Variants in KDM6A observed in about 807,000 individuals in gnomAD.
The protein encoded by KDM6A is lysine demethylase 6A, also known as lysine-specific demethylase 6A.
In KDM6A, 11 loss-of-function variants were observed where a neutral mutation model predicts 117.6. That is an observed-to-expected ratio of 0.09 (90% confidence interval 0.06 to 0.15). KDM6A has a LOEUF of 0.15. KDM6A is among the 10% of genes least tolerant of loss of function. The pLI, the probability that KDM6A is intolerant of heterozygous loss-of-function variation, is 1.00. For missense variants in KDM6A, 799 were observed against 1,077.3 expected, an observed-to-expected ratio of 0.74 and a Z score of 3.62; for synonymous variants, 384 against 396.1, an observed-to-expected ratio of 0.97 and a Z score of 0.36.
intron 12 of KDM6A, among the ~76,000 whole-genome samples, 172 bp from the exon 13 acceptor site, chrX:45,059,850 C>T (rs1307298181): frequency 8.9e-6 from 1 of 111,913 alleles, no homozygotes; most frequent in Non-Finnish European, 1.9e-5. Context: ...TTGATTCTCA[C>T]AAAGGTTTAT....
At position 45,055,881 on chromosome X, in the gene KDM6A, T is replaced by A. The variant is rs191792946; in HGVS notation, c.875+1926T>A. Among the ~76,000 whole-genome samples, 1,036 of 109,349 alleles carry A rather than the reference T, an allele frequency of 9.5e-3. 5 individuals are homozygous for A. Among genetic ancestry groups the A allele is most frequent in the Middle Eastern group, 0.015 (3 of 206 alleles). The allele number at this position is 109,349 out of a possible 115,157, so 95.0% of individuals were successfully genotyped here. On this transcript the variant is annotated intron_variant, in intron 10 of 29. Coordinates refer to ENST00000611820, the MANE Select transcript of KDM6A (RefSeq NM_001291415.2). ...GTGTAGATGTCTTTTTAGTATAGGTTTTTAAATTTAAATTCTAGTTACGTA... is the reference window on the plus strand; with the variant it reads ...GTGTAGATGTCTTTTTAGTATAGGTATTTAAATTTAAATTCTAGTTACGTA...
At chrX:45,044,166 C>T (rs775939397) in intron 8 of KDM6A, among the ~76,000 whole-genome samples, 4 of 112,200 alleles carry the variant, frequency 3.6e-5, no homozygotes, top group African/African-American at 1.3e-4. Flanking sequence ...TTAAGTGACA[C>T]ATGACTGTAT....
intron 8 of KDM6A, among the ~76,000 whole-genome samples, chrX:45,043,959 GTTTT>G (rs970952486): frequency 8.9e-6 from 1 of 111,825 alleles, no homozygotes; most frequent in African/African-American, 3.3e-5. Flanking sequence ...TTCGGTGTGT[GTTTT>G]TTGTTTTAAC....
intron 4 of KDM6A, among the ~76,000 whole-genome samples, chrX:44,984,838 G>A (rs945832528): frequency 1.8e-5 from 2 of 111,657 alleles, no homozygotes; most frequent in African/African-American, 3.3e-5. Context: ...TTTGAAGCCA[G>A]ATAGTGTGAT....
At chrX:44,918,067 T>C (rs756302836) in intron 2 of KDM6A, among the ~76,000 whole-genome samples, 61 of 111,710 alleles carry the variant, frequency 5.5e-4, no homozygotes, top group African/African-American at 2.0e-3. Flanking sequence ...GGAAAGGTAA[T>C]GGTAAAAAGA....
At chrX:45,078,642 T>C in intron 20 of KDM6A, 137 bp downstream of exon 20, 1 of 490,119 alleles carries the variant, frequency 2.0e-6, no homozygotes, top group East Asian at 3.9e-5. Flanking sequence ...TTTACTTTTT[T>C]TTAGTACTAA....
At chrX:45,032,398 G>T (rs1389404158) in intron 6 of KDM6A, among the ~76,000 whole-genome samples, 1 of 111,494 alleles carries the variant, frequency 9.0e-6, no homozygotes. Flanking sequence ...TCCCTACCCC[G>T]GTTCTTCATC....
At chrX:45,030,621 T>C (rs766769635) in intron 6 of KDM6A, among the ~76,000 whole-genome samples, 2 of 110,551 alleles carry the variant, frequency 1.8e-5, no homozygotes, top group South Asian at 7.8e-4. Flanking sequence ...CATGGCATCC[T>C]AGGGCATTTC....
intron 2 of KDM6A, among the ~76,000 whole-genome samples, chrX:44,946,523 A>T (rs944775952): frequency 1.0e-4 from 11 of 109,064 alleles, no homozygotes; most frequent in Admixed American, 5.9e-4. Flanking sequence ...CTTTATACTA[A>T]TTTTTTTTTT....
intron 10 of KDM6A, among the ~76,000 whole-genome samples, chrX:45,054,245 T>G (rs2043974457): frequency 8.9e-6 from 1 of 112,029 alleles, no homozygotes; most frequent in Admixed American, 9.5e-5. Context: ...TAGTAACTTT[T>G]AATGAAGTAT....
intron 6 of KDM6A, among the ~76,000 whole-genome samples, chrX:45,026,665 A>T (rs2042376997): frequency 1.1e-5 from 1 of 88,517 alleles, no homozygotes; most frequent in Non-Finnish European, 2.1e-5. Context: ...CGTCTCTACT[A>T]AAAAAAAAAA....
At chrX:45,035,429 G>C (rs985672579) in intron 7 of KDM6A, among the ~76,000 whole-genome samples, 19 of 111,411 alleles carry the variant, frequency 1.7e-4, no homozygotes, top group Admixed American at 1.9e-4. Context: ...ATATCATTTA[G>C]AAAGCTTGAG....
In KDM6A at chrX:45,042,225, A is replaced by C. The variant is rs1295187908; in HGVS notation, c.654+4536A>C. Among the ~76,000 whole-genome samples the C allele has an allele frequency of 1.6e-4, 13 of 82,474 alleles. 1 individual carries two copies. The highest frequency in any genetic ancestry group is 2.8e-4 in the Non-Finnish European group (13 of 45,736). The allele number at this position is 82,474 out of a possible 115,157, so 71.6% of individuals were successfully genotyped here. A position where few individuals can be genotyped will look rare whatever the true frequency, so the allele number is the denominator to read the frequency against. On this transcript the variant is annotated intron_variant, in intron 8 of 29. Transcript: ENST00000611820. ...CAGTACCGTCCAGCTTCGGCTCGGCATCAGAGGGAGACCGTGGAAGGAGAC... is the reference window on the plus strand; with the variant it reads ...CAGTACCGTCCAGCTTCGGCTCGGCCTCAGAGGGAGACCGTGGAAGGAGAC...
chrX:44,928,940 A>T (rs956459494), intron 2 of KDM6A, among the ~76,000 whole-genome samples: 1 of 111,341 alleles, frequency 9.0e-6, no homozygotes, highest in Non-Finnish European at 1.9e-5. Context: ...ATTTTACTAT[A>T]TATTTTTTTG....
chrX:44,957,758 T>A (rs1423370887), intron 2 of KDM6A, among the ~76,000 whole-genome samples: 1 of 111,810 alleles, frequency 8.9e-6, no homozygotes, highest in Non-Finnish European at 1.9e-5. Context: ...GTATTGCTTT[T>A]ATCCTCCTTG....
chrX:45,042,024 C>T (rs867701281), intron 8 of KDM6A, among the ~76,000 whole-genome samples: 1 of 110,629 alleles, frequency 9.0e-6, no homozygotes, highest in Non-Finnish European at 1.9e-5. Flanking sequence ...CCGAGGCTGG[C>T]GGATCACTCG....
intron 19 of KDM6A, among the ~76,000 whole-genome samples, 158 bp from the exon 20 acceptor site, chrX:45,078,242 A>C (rs1482156449): frequency 1.8e-5 from 2 of 112,450 alleles, no homozygotes; most frequent in Non-Finnish European, 3.8e-5. Flanking sequence ...TTAAAACTAG[A>C]ATCAAAAGTC....
chrX:44,998,577 GTTTTATTTTA>G (rs1272312078), intron 4 of KDM6A, among the ~76,000 whole-genome samples: 1 of 110,350 alleles, frequency 9.1e-6, no homozygotes, highest in East Asian at 2.9e-4. Context: ...GTTTTGTTTT[GTTTTATTTTA>G]TTTTATCATA....
At position 45,087,404 on chromosome X, in the gene KDM6A, C is replaced by A. The variant is rs373995906; in HGVS notation, c.3704+1425C>A. Among the ~76,000 whole-genome samples the A allele has an allele frequency of 8.9e-5, 10 of 112,925 alleles. No homozygotes were observed. The East Asian group carries it at 1.1e-3, about 12-fold the overall frequency. On this transcript the variant is annotated intron_variant, in intron 25 of 29. Transcript: ENST00000611820. ...AAAAAATATATTAATCCACAGTTTC[C>A]TTATATAAAAGCAAGAGATAATTAC...
Sources: allele counts gnomAD v4.1 joint callset (sites outside exome capture counted in the v4.1 genomes callset), GRCh38; gene constraint gnomAD v4.1.1; transcripts MANE v1.5; gene names NCBI Gene and HGNC (gene_info 2026-07-23, HGNC 2026-07-21).